NAALADL2: variants seen among roughly 807,000 people sequenced by gnomAD.
The protein encoded by NAALADL2 is inactive N-acetylated-alpha-linked acidic dipeptidase-like protein 2.
NAALADL2 carries 76 observed loss-of-function variants against 87.2 expected under a neutral mutation model. The observed-to-expected ratio is 0.87, with a 90% CI of 0.72 to 1.05. The LOEUF (loss-of-function observed/expected upper bound fraction) is 1.05. Among genes scored for constraint, NAALADL2 ranks in the 50% least tolerant of loss-of-function variants. The pLI, the probability that NAALADL2 is intolerant of heterozygous loss-of-function variation, is 0.00. For synonymous variants in NAALADL2, 354 were observed against 331.0 expected (o/e 1.07, Z -0.75); for missense variants, 1,089 against 945.8 (o/e 1.15, Z -1.99).
chr3:174,480,830 A>C lies in NAALADL2; in HGVS notation c.-184+39798A>C, dbSNP rs77488162. On this transcript the variant is annotated intron_variant, in intron 1 of 3. Transcript: ENST00000434257. ...GGATTGTGAGAGCCAGGCAATTCCA[A>C]CTAAAGTAGATGCCCATTATTTGAA... Among the ~76,000 whole-genome samples, 5 of 152,222 alleles carry C rather than the reference A, an allele frequency of 3.3e-5. No homozygotes were observed. The East Asian group carries it at 9.7e-4, about 29-fold the overall frequency.
rs191702340 is a variant in NAALADL2 at position 174,761,606 on chromosome 3, T to C, written c.-9+23860T>C. ...TTGGCACAAAAGTTTTTGCAATTAC[T>C]TTTTAAGAAAAATTTTTTTATTATT... is the stretch of plus-strand genomic sequence containing the variant. On this transcript the variant is annotated intron_variant, in intron 3 of 3. Coordinates refer to the NAALADL2 transcript ENST00000434257. Among the ~76,000 whole-genome samples, 318 of 152,298 alleles carry C rather than the reference T, an allele frequency of 2.1e-3. 1 individual carries two copies. Among genetic ancestry groups the C allele is most frequent in the African/African-American group, 7.4e-3 (308 of 41,576 alleles).
chr3:175,010,414 G>A (rs1749622412), intron 1 of NAALADL2, among the ~76,000 whole-genome samples: 1 of 152,040 alleles, frequency 6.6e-6, no homozygotes, highest in Non-Finnish European at 1.5e-5. Context: ...ACCTTCATTT[G>A]GCATCTCTAG....
At chr3:174,943,066 T>C (rs28803290) in intron 1 of NAALADL2, among the ~76,000 whole-genome samples, 20,088 of 152,176 alleles carry the variant, frequency 0.13, 2,773 homozygotes, top group African/African-American at 0.36. Context: ...TATGAACTCT[T>C]GTTGCAAAAT....
At chr3:174,899,787 AG>A (rs1462435929) in intron 1 of NAALADL2, among the ~76,000 whole-genome samples, 1 of 152,138 alleles carries the variant, frequency 6.6e-6, no homozygotes, top group Non-Finnish European at 1.5e-5. Flanking sequence ...ATGAATTCCA[AG>A]GGCATATGCT....
At chr3:174,762,061 A>G (rs949355826) in intron 3 of NAALADL2, among the ~76,000 whole-genome samples, 3 of 151,958 alleles carry the variant, frequency 2.0e-5, no homozygotes, top group Admixed American at 6.6e-5. Flanking sequence ...ATAGTTACAT[A>G]TATCATGTAT....
At chr3:175,208,358 G>T (rs1741267243) in intron 2 of NAALADL2, among the ~76,000 whole-genome samples, 1 of 152,086 alleles carries the variant, frequency 6.6e-6, no homozygotes, top group African/African-American at 2.4e-5. Flanking sequence ...CATTAGATCT[G>T]CCAGAAATCT....
intron 3 of NAALADL2, among the ~76,000 whole-genome samples, chr3:174,769,132 G>C (rs1053927400): frequency 3.3e-5 from 5 of 151,428 alleles, no homozygotes; most frequent in Non-Finnish European, 1.5e-5. Flanking sequence ...TTCCATTTTC[G>C]CTAGTCTATA....
At chr3:174,907,929 A>G (rs1367900940) in intron 1 of NAALADL2, among the ~76,000 whole-genome samples, 1 of 151,650 alleles carries the variant, frequency 6.6e-6, no homozygotes, top group Non-Finnish European at 1.5e-5. Context: ...TAACAACATA[A>G]TGTGTACTTT....
chr3:174,554,450 C>T (rs1327806272), intron 2 of NAALADL2, among the ~76,000 whole-genome samples: 2 of 151,778 alleles, frequency 1.3e-5, no homozygotes, highest in Non-Finnish European at 2.9e-5. Flanking sequence ...CTTCTCTTCA[C>T]TGCCCTCCCC....
At chr3:175,281,108 AACTT>A (rs200676472) in intron 4 of NAALADL2, among the ~76,000 whole-genome samples, 3,048 of 137,608 alleles carry the variant, frequency 0.022, 93 homozygotes, top group African/African-American at 0.077. Flanking sequence ...AAATAATTAA[AACTT>A]AAAAAAAATA....
intron 2 of NAALADL2, among the ~76,000 whole-genome samples, chr3:174,668,597 G>A (rs1313135111): frequency 2.6e-5 from 4 of 152,000 alleles, no homozygotes; most frequent in African/African-American, 7.3e-5. Flanking sequence ...ACGGGCCCCG[G>A]TGTGTGATGT....
intron 5 of NAALADL2, among the ~76,000 whole-genome samples, chr3:175,429,701 A>G (rs1717430284): frequency 6.6e-6 from 1 of 151,976 alleles, no homozygotes; most frequent in East Asian, 1.9e-4. Flanking sequence ...ACAATAGCAA[A>G]ATTTAGATTC....
chr3:174,921,168 G>T (rs1735127803), intron 1 of NAALADL2, among the ~76,000 whole-genome samples: 1 of 152,170 alleles, frequency 6.6e-6, no homozygotes, highest in Non-Finnish European at 1.5e-5. Flanking sequence ...TGATAGAATT[G>T]CTTGATGCGA....
rs1582434479 is a variant in NAALADL2 at position 175,567,784 on chromosome 3, C to T, written c.1654-8257C>T. 4.0e-5 allele frequency among the ~76,000 whole-genome samples: 6 copies of T among 150,462 alleles called. No individual in the cohort carries two copies. In the South Asian group the frequency reaches 1.3e-3, roughly 31 times the overall value. ...AGGCTGGAGTGCAGTGGCACTATCT[C>T]GGCTCACTGCAAGCTCCGCCTCCTG... On this transcript the variant is annotated intron_variant, in intron 9 of 13. Coordinates refer to ENST00000454872, the MANE Select transcript of NAALADL2 (RefSeq NM_207015.3).
rs191114360 is a variant in NAALADL2 at position 174,931,073 on chromosome 3, A to C, written c.43+71623A>C. On this transcript the variant is annotated intron_variant, in intron 1 of 13. Coordinates refer to ENST00000454872, the MANE Select transcript of NAALADL2 (RefSeq NM_207015.3). ...ACACTTTGAAGAGGACATAGGTTTT[A>C]TACTAATGAACTATATTTCTTCTAC... is the stretch of plus-strand genomic sequence containing the variant. Among the ~76,000 whole-genome samples the C allele has an allele frequency of 4.3e-3, 661 of 152,256 alleles. 4 individuals carry two copies. Among genetic ancestry groups the C allele is most frequent in the Non-Finnish European group, 5.9e-3 (398 of 68,018 alleles).
At chr3:175,195,773 G>A (rs1342231571) in intron 2 of NAALADL2, among the ~76,000 whole-genome samples, 1 of 151,854 alleles carries the variant, frequency 6.6e-6, no homozygotes, top group Non-Finnish European at 1.5e-5. Context: ...GGGCCTGAAG[G>A]CTTTCATGGA....
chr3:175,608,084 G>A (rs1313107483), intron 10 of NAALADL2, among the ~76,000 whole-genome samples: 1 of 151,400 alleles, frequency 6.6e-6, no homozygotes, highest in African/African-American at 2.4e-5. Context: ...ATTGCTACCA[G>A]AATGTGTGGC....
chr3:175,557,961 G>A (rs1937062999), intron 9 of NAALADL2, among the ~76,000 whole-genome samples: 1 of 152,132 alleles, frequency 6.6e-6, no homozygotes, highest in Non-Finnish European at 1.5e-5. Flanking sequence ...TTGGGAGGCT[G>A]AGGCGGACAG....
At chr3:174,798,078 A>G (rs908680226) in intron 3 of NAALADL2, among the ~76,000 whole-genome samples, 3 of 152,168 alleles carry the variant, frequency 2.0e-5, no homozygotes, top group Admixed American at 2.0e-4. Flanking sequence ...ACATGCGGAT[A>G]TTGTTCCAGC....
Sources: allele counts gnomAD v4.1 joint callset (sites outside exome capture counted in the v4.1 genomes callset), GRCh38; gene constraint gnomAD v4.1.1; transcripts MANE v1.5; gene names NCBI Gene and HGNC (gene_info 2026-07-23, HGNC 2026-07-21).